Variants in THSD4 observed in about 807,000 individuals in gnomAD.
The protein encoded by THSD4 is thrombospondin type-1 domain-containing protein 4.
Under a neutral mutation model 119.0 loss-of-function variants are expected in THSD4, and 69 were observed. The observed-to-expected ratio is 0.58, with a 90% CI of 0.48 to 0.71. The LOEUF (loss-of-function observed/expected upper bound fraction) is 0.71, where lower values mean the gene tolerates loss of function less well. Among genes scored for constraint, THSD4 ranks in the 30% least tolerant of loss-of-function variants. The pLI, the probability that THSD4 is intolerant of heterozygous loss-of-function variation, is 0.00. For synonymous variants in THSD4, 524 were observed against 540.4 expected, an observed-to-expected ratio of 0.97 and a Z score of 0.42; for missense variants, 1,393 against 1,391.1, an observed-to-expected ratio of 1.00 and a Z score of -0.02.
intron 8 of THSD4, among the ~76,000 whole-genome samples, chr15:71,703,025 G>A (rs1046982965): frequency 6.6e-6 from 1 of 151,762 alleles, no homozygotes; most frequent in Non-Finnish European, 1.5e-5. Context: ...CTGTTGCTCA[G>A]GCTGTAGTGC....
chr15:71,532,283 A>AGAGAGAGAGAGAGAGAGTGTGT (rs1379506089), intron 7 of THSD4, among the ~76,000 whole-genome samples: 197 of 101,594 alleles, frequency 1.9e-3, no homozygotes, highest in East Asian at 8.9e-3. Context: ...AGAGAGAGAG[A>AGAGAGAGAGAGAGAGAGTGTGT]GTGTGTGTGT....
At chr15:71,252,877 T>G (rs2044275202) in intron 5 of THSD4, among the ~76,000 whole-genome samples, 1 of 152,090 alleles carries the variant, frequency 6.6e-6, no homozygotes, top group African/African-American at 2.4e-5. Flanking sequence ...ATCATCATCA[T>G]CATCATCATC....
At chr15:71,335,566 G>T (rs66652712) in intron 6 of THSD4, among the ~76,000 whole-genome samples, 34,281 of 152,000 alleles carry the variant, frequency 0.23, 4,725 homozygotes, top group African/African-American at 0.4. Context: ...AATGATTGAT[G>T]AGTGATGTCT....
intron 6 of THSD4, among the ~76,000 whole-genome samples, chr15:71,311,302 T>C (rs1263932512): frequency 6.6e-6 from 1 of 152,192 alleles, no homozygotes; most frequent in African/African-American, 2.4e-5. Flanking sequence ...TGGCCAGAAG[T>C]GCACCCCAGT....
intron 7 of THSD4, among the ~76,000 whole-genome samples, chr15:71,481,722 A>T (rs1280370722): frequency 1.3e-5 from 2 of 152,200 alleles, no homozygotes; most frequent in Non-Finnish European, 2.9e-5. Flanking sequence ...GTATATGCTC[A>T]TAGTTGGATA....
chr15:71,757,244 C>T lies in THSD4; in HGVS notation c.2416-658C>T, dbSNP rs993544768. On this transcript the variant is annotated intron_variant, in intron 14 of 17. Coordinates refer to ENST00000261862, the MANE Select transcript of THSD4 (RefSeq NM_024817.3). ...AAGCTCTCCCTCTATACCAAGCTGT[C>T]TCCCAATCCCCTCATAGCTGTGACC... 6.6e-5 allele frequency among the ~76,000 whole-genome samples: 10 copies of T among 152,188 alleles called. No individual in the cohort carries two copies. In the Middle Eastern group the frequency reaches 0.01, roughly 155 times the overall value.
chr15:71,216,989 G>A (rs2043938388), intron 4 of THSD4, among the ~76,000 whole-genome samples: 1 of 152,112 alleles, frequency 6.6e-6, no homozygotes, highest in Non-Finnish European at 1.5e-5. Context: ...TAGAGGTGGG[G>A]TTTCGCCATG....
At chr15:71,686,569 G>T (rs1478918004) in intron 8 of THSD4, among the ~76,000 whole-genome samples, 1 of 152,140 alleles carries the variant, frequency 6.6e-6, no homozygotes, top group Non-Finnish European at 1.5e-5. Flanking sequence ...TGAGAGTAAT[G>T]ACATGACGTT....
intron 8 of THSD4, among the ~76,000 whole-genome samples, chr15:71,726,042 A>G (rs977878500): frequency 6.6e-6 from 1 of 152,212 alleles, no homozygotes; most frequent in African/African-American, 2.4e-5. Flanking sequence ...AGCCTCCCAA[A>G]GTGCTGGGAC....
intron 7 of THSD4, among the ~76,000 whole-genome samples, chr15:71,554,928 C>T (rs2048995306): frequency 6.6e-6 from 1 of 152,132 alleles, no homozygotes; most frequent in Admixed American, 6.5e-5. Flanking sequence ...GAACTCACCA[C>T]ACAACTAAAG....
chr15:71,666,030 T>C (rs895705364), intron 8 of THSD4, among the ~76,000 whole-genome samples: 1 of 152,210 alleles, frequency 6.6e-6, no homozygotes, highest in African/African-American at 2.4e-5. Flanking sequence ...TTTTTTCTAG[T>C]TCTGTGAAGA....
intron 6 of THSD4, among the ~76,000 whole-genome samples, chr15:71,386,200 G>A (rs768845984): frequency 9.2e-5 from 14 of 152,178 alleles, no homozygotes; most frequent in African/African-American, 3.4e-4. Flanking sequence ...ATGTTAATGG[G>A]TTGACTTCCA....
chr15:71,128,804 AC>A (rs1304134535), intron 1 of THSD4, among the ~76,000 whole-genome samples: 2 of 152,368 alleles, frequency 1.3e-5, no homozygotes, highest in East Asian at 3.9e-4. Flanking sequence ...TTTAACATGT[AC>A]ATAGCTATAA....
At chr15:71,395,400 G>GAC (rs1239791675) in intron 6 of THSD4, among the ~76,000 whole-genome samples, 1 of 152,156 alleles carries the variant, frequency 6.6e-6, no homozygotes, top group Non-Finnish European at 1.5e-5. Flanking sequence ...AGCTCACAAG[G>GAC]ACTGGGCAGA....
intron 6 of THSD4, among the ~76,000 whole-genome samples, chr15:71,319,987 G>A (rs2045245779): frequency 6.6e-6 from 1 of 152,134 alleles, no homozygotes; most frequent in Non-Finnish European, 1.5e-5. Flanking sequence ...CAGCAAAAGG[G>A]TCATAGAACC....
intron 9 of THSD4, 124 bp from the exon 10 acceptor site, chr15:71,730,997 T>C (rs1271915210): frequency 1.3e-6 from 1 of 772,936 alleles, no homozygotes; most frequent in Non-Finnish European, 2.2e-6. Context: ...TTCACTGATA[T>C]TACTGGATGC....
At chr15:71,492,739 G>GTCCC (rs879516415) in intron 7 of THSD4, among the ~76,000 whole-genome samples, 5,649 of 152,188 alleles carry the variant, frequency 0.037, 175 homozygotes, top group African/African-American at 0.087. Context: ...TTAGCCCAGG[G>GTCCC]TCTTTTTCAA....
At chr15:71,190,834 G>A (rs1347204118) in intron 3 of THSD4, among the ~76,000 whole-genome samples, 1 of 152,018 alleles carries the variant, frequency 6.6e-6, no homozygotes, top group Non-Finnish European at 1.5e-5. Context: ...AATGCAGAAG[G>A]TCCCATCGAG....
At chr15:71,651,461 C>T (rs986593415) in intron 7 of THSD4, among the ~76,000 whole-genome samples, 2 of 152,204 alleles carry the variant, frequency 1.3e-5, no homozygotes, top group African/African-American at 2.4e-5. Context: ...CCCACACTTT[C>T]GTTGCCAGCC....
Sources: allele counts gnomAD v4.1 joint callset (sites outside exome capture counted in the v4.1 genomes callset), GRCh38; gene constraint gnomAD v4.1.1; transcripts MANE v1.5; gene names NCBI Gene and HGNC (gene_info 2026-07-23, HGNC 2026-07-21).